The following MACROD1 variants were observed in gnomAD, a reference collection of about 807,000 sequenced individuals.
MACROD1 encodes ADP-ribose glycohydrolase MACROD1.
A neutral mutation model predicts 41.4 loss-of-function variants in MACROD1; 31 were observed. The observed-to-expected ratio is 0.75, with a 90% confidence interval of 0.56 to 1.01. The LOEUF is 1.01. MACROD1 is among the 50% of genes least tolerant of loss of function. MACROD1 has a pLI of 0.00. For synonymous variants in MACROD1, 252 were observed against 203.4 expected (o/e 1.24, Z -2.03); for missense variants, 473 against 460.0 (o/e 1.03, Z -0.26).
intron 3 of MACROD1, among the ~76,000 whole-genome samples, chr11:64,080,706 A>C (rs1333493649): frequency 1.3e-5 from 2 of 152,124 alleles, no homozygotes; most frequent in Non-Finnish European, 2.9e-5. Flanking sequence ...CAGACCCAGG[A>C]CCGGGGAAGG....
intron 1 of MACROD1, among the ~76,000 whole-genome samples, chr11:64,162,312 C>G (rs184747971): frequency 8.0e-4 from 121 of 152,182 alleles, no homozygotes; most frequent in Non-Finnish European, 1.6e-3. Context: ...CAACTGCACT[C>G]CAGCGTGGGC....
intron 3 of MACROD1, among the ~76,000 whole-genome samples, chr11:64,055,824 G>C (rs917766299): frequency 9.1e-4 from 138 of 152,238 alleles, no homozygotes; most frequent in Admixed American, 2.6e-3. Flanking sequence ...CCTCTTTCTG[G>C]GTACCATTCT....
At position 64,122,927 on chromosome 11, in the gene MACROD1, C is replaced by A. The variant is rs1945121800; in HGVS notation, c.517+28312G>T. Reference sequence around the variant, plus strand: ...CCAGGAGAGGAGGAGAAAGAGCAGACCCTCCCCCTTGAAAATGGCAGCTCA... The same window carrying A: ...CCAGGAGAGGAGGAGAAAGAGCAGAACCTCCCCCTTGAAAATGGCAGCTCA... On this transcript the variant is annotated intron_variant, in intron 3 of 10. Coordinates refer to ENST00000255681, the MANE Select transcript of MACROD1 (RefSeq NM_014067.4). The surrounding 1 kb of genome is among the most constrained non-coding windows in gnomAD (Gnocchi z 4.0). Among the ~76,000 whole-genome samples the A allele has an allele frequency of 6.6e-6, 1 of 152,222 alleles. No homozygotes were observed. Among genetic ancestry groups the A allele is most frequent in the Admixed American group, 6.5e-5 (1 of 15,294 alleles).
At chr11:64,150,308 G>A (rs776891940) in intron 3 of MACROD1, among the ~76,000 whole-genome samples, 19 of 152,340 alleles carry the variant, frequency 1.2e-4, no homozygotes, top group East Asian at 1.9e-4. Context: ...AGGCACGACC[G>A]CTACAAGCGC....
intron 3 of MACROD1, among the ~76,000 whole-genome samples, chr11:64,042,193 C>T (rs1161960668): frequency 1.3e-5 from 2 of 152,182 alleles, no homozygotes; most frequent in Admixed American, 1.3e-4. Context: ...CTCTTGCACA[C>T]ACATGCTCAC....
At chr11:64,130,996 A>G (rs1000846554) in intron 3 of MACROD1, among the ~76,000 whole-genome samples, 3 of 152,274 alleles carry the variant, frequency 2.0e-5, no homozygotes, top group African/African-American at 7.2e-5. Flanking sequence ...TGGGCTTATT[A>G]AAACCACAGT....
chr11:64,098,586 G>C (rs1944618866), intron 3 of MACROD1, among the ~76,000 whole-genome samples: 1 of 152,216 alleles, frequency 6.6e-6, no homozygotes, highest in Non-Finnish European at 1.5e-5. Context: ...ATCCTGGTAG[G>C]GGGAAGTCAG....
At chr11:64,035,056 C>T (rs1943347504) in intron 3 of MACROD1, among the ~76,000 whole-genome samples, 1 of 152,202 alleles carries the variant, frequency 6.6e-6, no homozygotes, top group African/African-American at 2.4e-5. Flanking sequence ...GCCAGCCACC[C>T]TCCCATTCAA....
chr11:64,022,545 G>A (rs985519005), intron 3 of MACROD1, among the ~76,000 whole-genome samples: 6 of 152,298 alleles, frequency 3.9e-5, no homozygotes, highest in African/African-American at 1.4e-4. Flanking sequence ...GGGTATCCGT[G>A]TGACTTGAGG....
At chr11:64,005,489 G>A (rs377565688) in intron 4 of MACROD1, among the ~76,000 whole-genome samples, 10 of 152,370 alleles carry the variant, frequency 6.6e-5, no homozygotes, top group African/African-American at 2.4e-4. Context: ...AGAGCAGGGA[G>A]GTGAACAGGA....
intron 3 of MACROD1, among the ~76,000 whole-genome samples, chr11:64,147,210 A>G (rs767029029): frequency 6.6e-6 from 1 of 151,202 alleles, no homozygotes; most frequent in Non-Finnish European, 1.5e-5. Flanking sequence ...GACTACAGGC[A>G]TGCACCACCA....
In MACROD1 at chr11:64,165,747, A is replaced by G; in HGVS notation, c.248T>C (p.Met83Thr). Reference sequence around the variant, plus strand: ...GGTGCTCAGGTCCACCTTCGCCGCCATGGCCAGGGGGGCCCAAGTGCGCAC... The same window carrying G: ...GGTGCTCAGGTCCACCTTCGCCGCCGTGGCCAGGGGGGCCCAAGTGCGCAC... ...AGVRTWAPLA[M>T]AAKVDLSTST... The change falls in exon 1 of 11, where the codon ATG becomes ACG. Residue 83 changes from methionine (M) to threonine (T), a missense_variant. Physicochemically the swap from Met to Thr is moderately conservative, Grantham distance 81. Coordinates refer to ENST00000255681, the MANE Select transcript of MACROD1 (RefSeq NM_014067.4). The G allele has an allele frequency of 6.7e-7, 1 of 1,500,324 alleles. No individual in the cohort carries two copies. Among genetic ancestry groups the G allele is most frequent in the South Asian group, 1.3e-5 (1 of 76,198 alleles). The allele number at this position is 1,500,324 out of a possible 1,614,324, so 92.9% of individuals were successfully genotyped here. A position where few individuals can be genotyped will look rare whatever the true frequency, so the allele number is the denominator to read the frequency against.
chr11:64,117,969 C>T (rs751508281), intron 3 of MACROD1: 2 of 1,613,804 alleles, frequency 1.2e-6, no homozygotes, highest in South Asian at 2.2e-5. Flanking sequence ...CTTCCTCTTC[C>T]TGGTCCTGGG....
At chr11:64,005,232 G>A (rs1384685303) in intron 4 of MACROD1, among the ~76,000 whole-genome samples, 1 of 152,148 alleles carries the variant, frequency 6.6e-6, no homozygotes, top group African/African-American at 2.4e-5. Context: ...GTTTTGCCAT[G>A]TTGGCCAGGC....
rs149500638 is a variant in MACROD1, at chr11:64,045,688, G to A, written c.518-30407C>T. Among the ~76,000 whole-genome samples the A allele has an allele frequency of 2.1e-3, 317 of 152,342 alleles. 1 individual carries two copies. The highest frequency in any genetic ancestry group is 7.1e-3 in the African/African-American group (295 of 41,562). ...TCAAAGGCAGGCGCACATCCCTGCTGCTGGCCAGCCATGTGGTTGCATAAG... is the reference window on the plus strand; with the variant it reads ...TCAAAGGCAGGCGCACATCCCTGCTACTGGCCAGCCATGTGGTTGCATAAG... On this transcript the variant is annotated intron_variant, in intron 3 of 10. Transcript: ENST00000255681.
intron 3 of MACROD1, among the ~76,000 whole-genome samples, chr11:64,143,753 T>C (rs4980523): frequency 0.023 from 2,294 of 101,316 alleles, 37 homozygotes; most frequent in African/African-American, 0.044. Context: ...GACACACACA[T>C]ACACACACAC....
intron 3 of MACROD1, among the ~76,000 whole-genome samples, chr11:64,132,139 G>C (rs1395184400): frequency 6.6e-6 from 1 of 152,052 alleles, no homozygotes; most frequent in Non-Finnish European, 1.5e-5. Context: ...TGGGGAGCTG[G>C]GGACAAGGGG....
chr11:64,118,202 C>G (rs1260594330), intron 3 of MACROD1: 1 of 1,613,280 alleles, frequency 6.2e-7, no homozygotes, highest in East Asian at 2.2e-5. Context: ...ACGGCAGCAG[C>G]CTCTGCAAGG....
intron 4 of MACROD1, among the ~76,000 whole-genome samples, chr11:64,014,713 G>T (rs753619211): frequency 2.0e-5 from 3 of 152,180 alleles, no homozygotes; most frequent in Non-Finnish European, 4.4e-5. Flanking sequence ...ATCCCTTGCG[G>T]CCAGGCCCAC....
Sources: allele counts gnomAD v4.1 joint callset (sites outside exome capture counted in the v4.1 genomes callset), GRCh38; gene constraint gnomAD v4.1.1; non-coding constraint Gnocchi (gnomAD v3.1); transcripts MANE v1.5; gene names NCBI Gene and HGNC (gene_info 2026-07-23, HGNC 2026-07-21).